The following RABGAP1L variants were observed in gnomAD, a reference collection of about 807,000 sequenced individuals.
RABGAP1L encodes the protein RAB GTPase activating protein 1 like.
In RABGAP1L, 63 loss-of-function variants were observed where a neutral mutation model predicts 137.7. The ratio of observed to expected loss-of-function variants is 0.46; its 90% CI spans 0.37 to 0.56. RABGAP1L has a LOEUF of 0.56. Among genes scored for constraint, RABGAP1L ranks in the 20% least tolerant of loss-of-function variants. RABGAP1L has a pLI of 0.00. For missense variants in RABGAP1L, 1,095 were observed against 1,244.0 expected (o/e 0.88, Z 1.80); for synonymous variants, 431 against 433.7 (o/e 0.99, Z 0.08).
intron 13 of RABGAP1L, among the ~76,000 whole-genome samples, chr1:174,404,891 C>T (rs1205122196): frequency 6.6e-6 from 1 of 152,112 alleles, no homozygotes; most frequent in African/African-American, 2.4e-5. Flanking sequence ...GCAAGAGTGG[C>T]CCATTTTAAG....
chr1:174,927,182 G>C (rs1026524747), intron 19 of RABGAP1L, among the ~76,000 whole-genome samples: 2 of 152,008 alleles, frequency 1.3e-5, no homozygotes, highest in African/African-American at 4.8e-5. Context: ...TGTGCTTTAG[G>C]TTCAGATTGA....
intron 17 of RABGAP1L, among the ~76,000 whole-genome samples, chr1:174,742,293 G>A (rs1172093514): frequency 1.5e-5 from 1 of 66,502 alleles, no homozygotes; most frequent in Admixed American, 1.4e-4. Flanking sequence ...CAAGGCAGGT[G>A]GATCACTTGA....
intron 13 of RABGAP1L, among the ~76,000 whole-genome samples, chr1:174,589,443 T>C (rs1276360313): frequency 6.6e-6 from 1 of 152,194 alleles, no homozygotes; most frequent in Non-Finnish European, 1.5e-5. Flanking sequence ...GTGAAGAAGC[T>C]TTTTAACTTG....
chr1:174,330,669 A>C (rs939576232), intron 11 of RABGAP1L, among the ~76,000 whole-genome samples: 2 of 152,268 alleles, frequency 1.3e-5, no homozygotes, highest in East Asian at 3.9e-4. Flanking sequence ...ATTATAAAAC[A>C]TTGGTGAAAG....
chr1:174,452,113 C>T (rs1655517805), intron 13 of RABGAP1L, among the ~76,000 whole-genome samples: 1 of 152,066 alleles, frequency 6.6e-6, no homozygotes. Context: ...TATTTTGAAA[C>T]CTCTCTTTTT....
intron 13 of RABGAP1L, among the ~76,000 whole-genome samples, chr1:174,475,898 T>C (rs1163790929): frequency 6.6e-6 from 1 of 151,822 alleles, no homozygotes; most frequent in African/African-American, 2.4e-5. Context: ...ACATTATAAC[T>C]TATTAGAACA....
chr1:174,794,229 T>C (rs973943573), intron 18 of RABGAP1L, among the ~76,000 whole-genome samples: 1 of 152,238 alleles, frequency 6.6e-6, no homozygotes, highest in Non-Finnish European at 1.5e-5. Context: ...TTGCTACTTA[T>C]TGATGTGTCT....
chr1:174,219,523 A>G (rs1669596204), intron 2 of RABGAP1L, among the ~76,000 whole-genome samples: 1 of 150,720 alleles, frequency 6.6e-6, no homozygotes, highest in Admixed American at 6.7e-5. Context: ...AAGAAGAAAA[A>G]GAAGAGAAAG....
At chr1:174,925,045 T>C (rs1247648199) in intron 19 of RABGAP1L, among the ~76,000 whole-genome samples, 2 of 151,638 alleles carry the variant, frequency 1.3e-5, no homozygotes, top group Admixed American at 6.6e-5. Context: ...CATGGCTAGA[T>C]AGAGGGAAGA....
At chr1:174,175,712 G>C (rs576480148) in intron 1 of RABGAP1L, among the ~76,000 whole-genome samples, 1 of 147,114 alleles carries the variant, frequency 6.8e-6, no homozygotes. Context: ...TGCAACCTCT[G>C]CCTCCCAGGA....
intron 11 of RABGAP1L, among the ~76,000 whole-genome samples, chr1:174,325,069 A>C (rs879439417): frequency 1.3e-5 from 2 of 152,214 alleles, no homozygotes; most frequent in Admixed American, 6.5e-5. Flanking sequence ...GGACAATTTT[A>C]GGGTGTAAAA....
intron 11 of RABGAP1L, among the ~76,000 whole-genome samples, chr1:174,308,815 C>T (rs1049923840): frequency 6.6e-6 from 1 of 151,992 alleles, no homozygotes; most frequent in African/African-American, 2.4e-5. Context: ...GTAATGCTTC[C>T]AGCTTTGATC....
intron 19 of RABGAP1L, chr1:174,849,524 C>T (rs1647846346): frequency 6.5e-6 from 2 of 309,594 alleles, no homozygotes; most frequent in Admixed American, 4.6e-5. Context: ...CTATGGCAAT[C>T]CTGAAAAGTC....
chr1:174,867,858 T>TG (rs1207329028), intron 19 of RABGAP1L, among the ~76,000 whole-genome samples: 1 of 152,228 alleles, frequency 6.6e-6, no homozygotes, highest in Non-Finnish European at 1.5e-5. Flanking sequence ...TTGTTCAGGC[T>TG]GGTCTCAAAC....
intron 14 of RABGAP1L, among the ~76,000 whole-genome samples, chr1:174,669,988 T>TAA (rs1279113787): frequency 3.9e-5 from 6 of 152,152 alleles, no homozygotes; most frequent in Non-Finnish European, 7.4e-5. Flanking sequence ...ATATAAATCT[T>TAA]AAAGATTTAT....
At chr1:174,785,696 G>C (rs1419923177) in intron 18 of RABGAP1L, among the ~76,000 whole-genome samples, 3 of 152,204 alleles carry the variant, frequency 2.0e-5, no homozygotes, top group Non-Finnish European at 4.4e-5. Context: ...AGGAGCTTTT[G>C]AGCATGCGTA....
chr1:174,765,563 T>C (rs1398360145), intron 18 of RABGAP1L, among the ~76,000 whole-genome samples: 1 of 152,078 alleles, frequency 6.6e-6, no homozygotes, highest in East Asian at 1.9e-4. Flanking sequence ...GACTCCCAAG[T>C]AGCTGTGACT....
At chr1:174,680,383 G>A (rs1677968948) in intron 14 of RABGAP1L, among the ~76,000 whole-genome samples, 1 of 152,182 alleles carries the variant, frequency 6.6e-6, no homozygotes, top group Non-Finnish European at 1.5e-5. Context: ...ACAATGAAAA[G>A]GCACAATTTC....
intron 1 of RABGAP1L, among the ~76,000 whole-genome samples, chr1:174,211,660 C>T (rs1055556773): frequency 6.6e-6 from 1 of 152,070 alleles, no homozygotes. Flanking sequence ...GGATTAAACT[C>T]TCCAATGAAA....
Sources: allele counts gnomAD v4.1 joint callset (sites outside exome capture counted in the v4.1 genomes callset), GRCh38; gene constraint gnomAD v4.1.1; transcripts MANE v1.5; gene names NCBI Gene and HGNC (gene_info 2026-07-23, HGNC 2026-07-21).